PTPN3: variants seen among roughly 807,000 people sequenced by gnomAD.
The protein encoded by PTPN3 is protein tyrosine phosphatase non-receptor type 3.
A neutral mutation model predicts 132.7 loss-of-function variants in PTPN3; 96 were observed. The observed-to-expected ratio is 0.72, with a 90% CI of 0.61 to 0.86. PTPN3 has a LOEUF of 0.86. PTPN3 is among the 40% of genes least tolerant of loss of function. PTPN3 has a pLI of 0.00. For synonymous variants in PTPN3, 398 were observed against 429.0 expected (o/e 0.93, Z 0.89); for missense variants, 1,125 against 1,159.6 (o/e 0.97, Z 0.43).
intron 1 of PTPN3, among the ~76,000 whole-genome samples, chr9:109,490,393 G>GA (rs1342007151): frequency 6.6e-6 from 1 of 152,150 alleles, no homozygotes; most frequent in Non-Finnish European, 1.5e-5. Flanking sequence ...AGTTAAAACA[G>GA]ACTCAATGTG....
At chr9:109,390,302 A>C (rs1839953809) in intron 21 of PTPN3, among the ~76,000 whole-genome samples, 1 of 152,230 alleles carries the variant, frequency 6.6e-6, no homozygotes, top group African/African-American at 2.4e-5. Context: ...TAATCTGAGA[A>C]ATCATCTGTC....
intron 1 of PTPN3, among the ~76,000 whole-genome samples, chr9:109,471,837 C>G (rs1846399206): frequency 6.6e-6 from 1 of 152,148 alleles, no homozygotes; most frequent in South Asian, 2.1e-4. Flanking sequence ...TACCCCCTGA[C>G]CCTCATGGCA....
the PTPN3 span, among the ~76,000 whole-genome samples, chr9:109,530,557 A>G: frequency 1.3e-5 from 2 of 152,184 alleles, no homozygotes; most frequent in Admixed American, 1.3e-4. Flanking sequence ...TCTGCTTTCA[A>G]TTCTTTTGGG....
intron 1 of PTPN3, among the ~76,000 whole-genome samples, chr9:109,473,203 C>T (rs1230053721): frequency 5.3e-5 from 8 of 152,178 alleles, no homozygotes; most frequent in Admixed American, 5.2e-4. Context: ...AATCCTGATA[C>T]TCCAAAAGTA....
At chr9:109,390,195 T>C (rs1245998650) in intron 21 of PTPN3, among the ~76,000 whole-genome samples, 3 of 152,142 alleles carry the variant, frequency 2.0e-5, no homozygotes, top group Non-Finnish European at 4.4e-5. Flanking sequence ...GAAGTGAGGG[T>C]CAATGAATCC....
At chr9:109,530,456 T>C in the PTPN3 span, among the ~76,000 whole-genome samples, 2 of 152,228 alleles carry the variant, frequency 1.3e-5, no homozygotes, top group African/African-American at 4.8e-5. Context: ...TATTGTGTTA[T>C]TTATTCATCT....
intron 19 of PTPN3, among the ~76,000 whole-genome samples, chr9:109,401,290 A>G (rs1841073795): frequency 6.6e-6 from 1 of 152,162 alleles, no homozygotes; most frequent in African/African-American, 2.4e-5. Context: ...CAGCGTGTGC[A>G]TCAAAACAGG....
At chr9:109,419,939 G>C (rs1249721424) in intron 14 of PTPN3, among the ~76,000 whole-genome samples, 1 of 152,162 alleles carries the variant, frequency 6.6e-6, no homozygotes, top group Non-Finnish European at 1.5e-5. Context: ...TCTAACGTTT[G>C]TTTCTTTATA....
intron 1 of PTPN3, among the ~76,000 whole-genome samples, chr9:109,469,775 T>C (rs1420655452): frequency 5.9e-5 from 9 of 152,146 alleles, no homozygotes; most frequent in Non-Finnish European, 1.3e-4. Flanking sequence ...CCTGTATAAA[T>C]GAATCATGGG....
chr9:109,508,664 G>A, the PTPN3 span, among the ~76,000 whole-genome samples: 13 of 152,172 alleles, frequency 8.5e-5, no homozygotes, highest in East Asian at 2.5e-3. Flanking sequence ...GTATCTAAAG[G>A]TTCTTTGTCA....
At chr9:109,492,097 A>T (rs1847487914) in intron 1 of PTPN3, among the ~76,000 whole-genome samples, 1 of 152,152 alleles carries the variant, frequency 6.6e-6, no homozygotes, top group South Asian at 2.1e-4. Context: ...TGATAACCAG[A>T]GCAGGGGAGG....
chr9:109,436,227 A>G (rs1246949440), intron 9 of PTPN3, among the ~76,000 whole-genome samples: 2 of 152,200 alleles, frequency 1.3e-5, no homozygotes, highest in Non-Finnish European at 2.9e-5. Context: ...TGCTAATTAG[A>G]CAGTGAGGGG....
chr9:109,494,406 C>A (rs1182750448), intron 1 of PTPN3, among the ~76,000 whole-genome samples: 1 of 152,314 alleles, frequency 6.6e-6, no homozygotes, highest in East Asian at 1.9e-4. Flanking sequence ...CCACTGCACT[C>A]CAGCCTGATG....
intron 23 of PTPN3, 77 bp downstream of exon 23, chr9:109,383,346 A>T: frequency 6.2e-7 from 1 of 1,611,454 alleles, no homozygotes; most frequent in Non-Finnish European, 8.5e-7. Flanking sequence ...CACACCTAGA[A>T]GCGTGACCAC....
chr9:109,422,603 A>C lies in PTPN3; in HGVS notation c.1136+115T>G, dbSNP rs1010389981. On this transcript the variant is annotated intron_variant, in intron 13 of 25. Transcript: ENST00000374541. ...AACAGTTACTTCTGCCAAGAGCCTA[A>C]AATGCAAATTGTAGGTCATCTATCT... The C allele has an allele frequency of 4.0e-6, 5 of 1,259,342 alleles. No individual in the cohort carries two copies. In the African/African-American group the frequency reaches 7.6e-5, roughly 19 times the overall value. The allele number at this position is 1,259,342 out of a possible 1,614,324, so 78.0% of individuals were successfully genotyped here. A position where few individuals can be genotyped will look rare whatever the true frequency, so the allele number is the denominator to read the frequency against.
the PTPN3 span, among the ~76,000 whole-genome samples, chr9:109,532,666 C>T: frequency 6.6e-6 from 1 of 151,740 alleles, no homozygotes; most frequent in Non-Finnish European, 1.5e-5. Context: ...AAACCCCATG[C>T]TGCTTAGATA....
the PTPN3 span, among the ~76,000 whole-genome samples, chr9:109,517,740 C>T: frequency 6.6e-6 from 1 of 152,190 alleles, no homozygotes; most frequent in Non-Finnish European, 1.5e-5. Context: ...TCTCCCTTGC[C>T]CATCCAGATG....
At chr9:109,476,130 G>A (rs796716155) in intron 1 of PTPN3, among the ~76,000 whole-genome samples, 3 of 152,124 alleles carry the variant, frequency 2.0e-5, no homozygotes, top group African/African-American at 7.2e-5. Context: ...GGCCATCTCA[G>A]GTTATATTAG....
the PTPN3 span, among the ~76,000 whole-genome samples, chr9:109,521,847 T>A: frequency 6.6e-6 from 1 of 152,158 alleles, no homozygotes; most frequent in African/African-American, 2.4e-5. Context: ...AGAACTAATA[T>A]GAATGGGCTA....
Sources: allele counts gnomAD v4.1 joint callset (sites outside exome capture counted in the v4.1 genomes callset), GRCh38; gene constraint gnomAD v4.1.1; transcripts MANE v1.5; gene names NCBI Gene and HGNC (gene_info 2026-07-23, HGNC 2026-07-21).